Variants in METTL16 observed in about 807,000 individuals in gnomAD.
The protein encoded by METTL16 is methyltransferase 16, RNA N6-adenosine, also known as RNA N(6)-adenosine-methyltransferase METTL16.
METTL16 carries 19 observed loss-of-function variants against 57.9 expected under a neutral mutation model. The observed-to-expected ratio is 0.33, with a 90% CI of 0.23 to 0.48. The LOEUF is 0.48. Ranked by LOEUF, METTL16 falls within the 20% of genes least tolerant of loss-of-function variation. The pLI, the probability that METTL16 is intolerant of heterozygous loss-of-function variation, is 0.99. For missense variants in METTL16, 434 were observed against 691.5 expected (o/e 0.63, Z 4.18); for synonymous variants, 246 against 255.6 (o/e 0.96, Z 0.36).
In METTL16 at chr17:2,419,235, A is replaced by T. The variant is rs1405567003; in HGVS notation, c.*735T>A. The T allele has an allele frequency of 6.4e-6, 1 of 156,702 alleles. No homozygotes were observed. 9.7% of individuals were successfully genotyped at this position (156,702 alleles called of 1,614,324 possible). A position where few individuals can be genotyped will look rare whatever the true frequency, so the allele number is the denominator to read the frequency against. On this transcript the variant is annotated 3_prime_UTR_variant, in exon 10 of 10. Coordinates refer to ENST00000263092, the MANE Select transcript of METTL16 (RefSeq NM_024086.4). ...TCAGATGTCCAAACAAAAATCACAC[A>T]GTAGTAAAACTGCTACAAAATGGTA...
chr17:2,467,880 G>T lies in METTL16; in HGVS notation c.470-4C>A. 1 of 1,599,110 alleles carries T rather than the reference G, an allele frequency of 6.3e-7. No individual in the cohort carries two copies. The highest frequency in any genetic ancestry group is 2.2e-5 in the East Asian group (1 of 44,766). ...GTCTTCTGTGGCACTTTCACCACTA[G>T]GAGAAAAAACAGGACTGTGAACTAA... On this transcript the variant is annotated splice_polypyrimidine_tract_variant and splice_region_variant and intron_variant, in intron 4 of 9. Transcript: ENST00000263092.
At chr17:2,435,811 C>T (rs2066905177) in intron 8 of METTL16, among the ~76,000 whole-genome samples, 1 of 151,320 alleles carries the variant, frequency 6.6e-6, no homozygotes. Flanking sequence ...GGGGGGGAAT[C>T]TGGGGCCCTC....
At chr17:2,495,495 G>A (rs1255432148) in intron 2 of METTL16, among the ~76,000 whole-genome samples, 2 of 151,726 alleles carry the variant, frequency 1.3e-5, no homozygotes, top group African/African-American at 2.4e-5. Context: ...AGGAGTTCGA[G>A]ACCAGCCTGG....
intron 7 of METTL16, among the ~76,000 whole-genome samples, chr17:2,438,495 T>A (rs1384979236): frequency 1.3e-5 from 2 of 152,050 alleles, no homozygotes; most frequent in Non-Finnish European, 2.9e-5. Flanking sequence ...ATGACTCAAG[T>A]GAGTTTTTTT....
At chr17:2,451,961 C>G (rs1277587052) in intron 6 of METTL16, among the ~76,000 whole-genome samples, 1 of 151,820 alleles carries the variant, frequency 6.6e-6, no homozygotes, top group Non-Finnish European at 1.5e-5. Context: ...TCCTGGGCAA[C>G]ATGGCAAGAC....
intron 1 of METTL16, among the ~76,000 whole-genome samples, chr17:2,508,694 G>C (rs2067565708): frequency 6.6e-6 from 1 of 151,932 alleles, no homozygotes; most frequent in African/African-American, 2.4e-5. Flanking sequence ...CCCTCTACCA[G>C]CCACTTTTCA....
At chr17:2,454,773 A>G (rs1441215348) in intron 6 of METTL16, among the ~76,000 whole-genome samples, 4 of 151,558 alleles carry the variant, frequency 2.6e-5, no homozygotes, top group Admixed American at 6.6e-5. Flanking sequence ...CATGTTGGCC[A>G]GGCTGATCTT....
At chr17:2,489,365 G>GTGAT (rs1302476424) in intron 2 of METTL16, among the ~76,000 whole-genome samples, 1 of 152,062 alleles carries the variant, frequency 6.6e-6, no homozygotes, top group Non-Finnish European at 1.5e-5. Context: ...TAAGAATACT[G>GTGAT]TGATTTCGGC....
intron 6 of METTL16, among the ~76,000 whole-genome samples, chr17:2,441,917 A>G (rs929985212): frequency 3.3e-5 from 5 of 152,244 alleles, no homozygotes; most frequent in Non-Finnish European, 5.9e-5. Flanking sequence ...CAACAAAAAC[A>G]TAATACTAAG....
rs568837107 is a variant in METTL16, at chr17:2,467,722, A to G, written c.585+39T>C. On this transcript the variant is annotated intron_variant, in intron 5 of 9. Transcript: ENST00000263092. The stretch of plus-strand genomic sequence containing the variant: ...ATTACAGGCGTGAGCCACCGCGCCC[A>G]GCCTATATTCAATTATTTTAAAGCA... 1.2e-4 allele frequency: 186 copies of G among 1,523,002 alleles called. 2 individuals carry two copies. The highest frequency in any genetic ancestry group is 1.1e-3 in the Admixed American group (64 of 59,810). The allele number at this position is 1,523,002 out of a possible 1,614,324, so 94.3% of individuals were successfully genotyped here.
chr17:2,479,119 A>C (rs1353308981), intron 2 of METTL16, among the ~76,000 whole-genome samples: 1 of 152,008 alleles, frequency 6.6e-6, no homozygotes, highest in Non-Finnish European at 1.5e-5. Context: ...ATATCAACAG[A>C]CCTTATTTAT....
chr17:2,421,750 C>T (rs891008491), intron 8 of METTL16, among the ~76,000 whole-genome samples: 1 of 152,212 alleles, frequency 6.6e-6, no homozygotes, highest in African/African-American at 2.4e-5. Context: ...GAACCACAGC[C>T]ATGAGATGAC....
intron 8 of METTL16, among the ~76,000 whole-genome samples, chr17:2,429,109 C>G (rs182385941): frequency 2.6e-5 from 4 of 151,920 alleles, no homozygotes; most frequent in African/African-American, 9.7e-5. Flanking sequence ...CCACCCGCTT[C>G]GGCCTCCCAA....
At chr17:2,446,591 G>GATCTCC (rs1555616865) in intron 6 of METTL16, among the ~76,000 whole-genome samples, 1 of 142,702 alleles carries the variant, frequency 7.0e-6, no homozygotes, top group Non-Finnish European at 1.5e-5. Context: ...GAGCATCCTG[G>GATCTCC]CTCTCCCTCT....
intron 6 of METTL16, chr17:2,455,087 C>CTTT (rs954892604): frequency 1.3e-4 from 15 of 112,120 alleles, no homozygotes; most frequent in South Asian, 6.3e-4. Context: ...TGCCCAGGTA[C>CTTT]TTTTTTTTTT....
intron 6 of METTL16, among the ~76,000 whole-genome samples, chr17:2,450,006 CG>C (rs1434429602): frequency 6.6e-6 from 1 of 152,112 alleles, no homozygotes; most frequent in Non-Finnish European, 1.5e-5. Flanking sequence ...ATGGTGTCAA[CG>C]GAAACTCTCA....
chr17:2,441,797 A>G (rs2066954207), intron 6 of METTL16, among the ~76,000 whole-genome samples: 2 of 152,236 alleles, frequency 1.3e-5, no homozygotes, highest in Admixed American at 6.5e-5. Flanking sequence ...AGCCTCTCCA[A>G]TGCTTCAGGG....
intron 6 of METTL16, among the ~76,000 whole-genome samples, chr17:2,444,628 G>A (rs1240563500): frequency 1.3e-5 from 2 of 151,472 alleles, no homozygotes; most frequent in African/African-American, 4.9e-5. Flanking sequence ...CTTCATATTC[G>A]CTCGCCACTC....
intron 2 of METTL16, among the ~76,000 whole-genome samples, chr17:2,488,995 G>A (rs574849694): frequency 2.0e-5 from 3 of 152,062 alleles, no homozygotes; most frequent in African/African-American, 7.2e-5. Flanking sequence ...CAAAAACACA[G>A]ATCCTGAAAC....
Sources: gnomAD v4.1 joint callset for allele counts (sites outside exome capture counted in the v4.1 genomes callset) on GRCh38, gnomAD v4.1.1 for gene constraint, MANE v1.5 for transcripts, NCBI Gene and HGNC (gene_info 2026-07-23, HGNC 2026-07-21) for gene names.